The following EXOC4 variants were observed in gnomAD, a reference collection of about 807,000 sequenced individuals.
EXOC4 encodes exocyst complex component 4.
A neutral mutation model predicts 107.2 loss-of-function variants in EXOC4; 71 were observed. The ratio of observed to expected loss-of-function variants is 0.66; its 90% CI spans 0.55 to 0.81. EXOC4 has a LOEUF of 0.81. Among genes scored for constraint, EXOC4 ranks in the 30% least tolerant of loss-of-function variants. The pLI is 0.00. For synonymous variants in EXOC4, 456 were observed against 441.2 expected (o/e 1.03, Z -0.42); for missense variants, 1,108 against 1,189.6 (o/e 0.93, Z 1.01).
chr7:134,019,688 T>C (rs1250899299), intron 17 of EXOC4, among the ~76,000 whole-genome samples: 2 of 152,230 alleles, frequency 1.3e-5, no homozygotes, highest in Non-Finnish European at 1.5e-5. Flanking sequence ...CCAAAGTCTA[T>C]GTATGCTCTT....
chr7:134,076,017 TC>T, the EXOC4 span, among the ~76,000 whole-genome samples: 3 of 152,270 alleles, frequency 2.0e-5, no homozygotes, highest in South Asian at 6.2e-4. Flanking sequence ...ACCCTCCCTA[TC>T]CTGACTGATA....
chr7:133,661,687 AAC>A (rs200467342), intron 10 of EXOC4, among the ~76,000 whole-genome samples: 7,714 of 27,494 alleles, frequency 0.28, 994 homozygotes, highest in African/African-American at 0.41. Flanking sequence ...AAAAAAAAAA[AAC>A]AAAAAAAAAA....
At chr7:133,717,022 G>A (rs1210375914) in intron 10 of EXOC4, among the ~76,000 whole-genome samples, 1 of 152,052 alleles carries the variant, frequency 6.6e-6, no homozygotes, top group Non-Finnish European at 1.5e-5. Flanking sequence ...TGTTCTTTGA[G>A]CTCAACTATA....
At chr7:134,086,338 G>A in the EXOC4 span, among the ~76,000 whole-genome samples, 2 of 152,178 alleles carry the variant, frequency 1.3e-5, no homozygotes, top group African/African-American at 2.4e-5. Context: ...AAATTCCACA[G>A]TTGACCTCAT....
rs545676470 is a variant in EXOC4 at position 133,870,579 on chromosome 7, T to G, written c.1735-25020T>G. Among the ~76,000 whole-genome samples the G allele has an allele frequency of 7.2e-5, 11 of 152,316 alleles. No individual in the cohort carries two copies. In the South Asian group the frequency reaches 2.3e-3, roughly 32 times the overall value. Reference sequence around the variant, plus strand: ...ATTATTGTGGCTCATCTAAAGAGGGTCATTTTATGAAATGTCTGTACTCCT... The same window carrying G: ...ATTATTGTGGCTCATCTAAAGAGGGGCATTTTATGAAATGTCTGTACTCCT... On this transcript the variant is annotated intron_variant, in intron 11 of 17. Coordinates refer to ENST00000253861, the MANE Select transcript of EXOC4 (RefSeq NM_021807.4).
At chr7:133,912,153 T>C (rs573626590) in intron 12 of EXOC4, among the ~76,000 whole-genome samples, 100 of 152,316 alleles carry the variant, frequency 6.6e-4, no homozygotes, top group Non-Finnish European at 1.1e-3. Context: ...GCCCACCCCA[T>C]TGTATTAGAC....
chr7:133,293,554 A>G (rs539216958), intron 3 of EXOC4, among the ~76,000 whole-genome samples: 2 of 152,366 alleles, frequency 1.3e-5, no homozygotes, highest in East Asian at 1.9e-4. Flanking sequence ...AGAATAGATT[A>G]ATAAATCCAG....
chr7:134,046,315 C>T (rs1795649055), intron 17 of EXOC4, among the ~76,000 whole-genome samples: 1 of 152,088 alleles, frequency 6.6e-6, no homozygotes, highest in African/African-American at 2.4e-5. Flanking sequence ...AACCCCGTCT[C>T]TAATAAAAAT....
intron 9 of EXOC4, among the ~76,000 whole-genome samples, chr7:133,529,605 G>C (rs533497970): frequency 6.6e-6 from 1 of 152,108 alleles, no homozygotes; most frequent in Non-Finnish European, 1.5e-5. Flanking sequence ...TGTGAAGCAG[G>C]TATTCATATC....
At chr7:133,356,685 C>CTA in intron 6 of EXOC4, 112 bp downstream of exon 6, 1 of 1,296,962 alleles carries the variant, frequency 7.7e-7, no homozygotes, top group Non-Finnish European at 1.1e-6. Context: ...ACTTAGGATA[C>CTA]TATAGCCCAT....
At chr7:133,294,113 C>T (rs1443108825) in intron 3 of EXOC4, among the ~76,000 whole-genome samples, 1 of 152,108 alleles carries the variant, frequency 6.6e-6, no homozygotes, top group Non-Finnish European at 1.5e-5. Context: ...TGCCTTGTTA[C>T]AGGTTTCATT....
chr7:133,954,734 T>C (rs968384059), intron 14 of EXOC4, among the ~76,000 whole-genome samples: 15 of 152,202 alleles, frequency 9.9e-5, no homozygotes, highest in Admixed American at 6.5e-4. Flanking sequence ...TGGCTTGTGC[T>C]ACCGGCCTGG....
intron 10 of EXOC4, among the ~76,000 whole-genome samples, chr7:133,755,252 A>G (rs1357060190): frequency 1.2e-3 from 118 of 99,860 alleles, no homozygotes; most frequent in Non-Finnish European, 1.6e-3. Context: ...TAATATATAT[A>G]TTATATATAT....
intron 14 of EXOC4, among the ~76,000 whole-genome samples, chr7:133,938,463 C>A (rs76541694): frequency 0.033 from 5,078 of 152,218 alleles, 267 homozygotes; most frequent in African/African-American, 0.11. Flanking sequence ...CTGACATTCT[C>A]ATTTTACTTG....
At chr7:133,304,063 A>C (rs2150565691) in intron 3 of EXOC4, among the ~76,000 whole-genome samples, 1 of 152,332 alleles carries the variant, frequency 6.6e-6, no homozygotes, top group Non-Finnish European at 1.5e-5. Flanking sequence ...CTTCATGTAC[A>C]TTCCTACAAA....
chr7:133,884,658 A>G (rs2116465317), intron 11 of EXOC4, among the ~76,000 whole-genome samples: 1 of 151,100 alleles, frequency 6.6e-6, no homozygotes, highest in East Asian at 2.0e-4. Context: ...GTGTGTCTGA[A>G]GTCATAGACA....
intron 7 of EXOC4, among the ~76,000 whole-genome samples, chr7:133,465,150 T>A (rs1454300323): frequency 6.6e-6 from 1 of 152,096 alleles, no homozygotes; most frequent in Non-Finnish European, 1.5e-5. Flanking sequence ...AAGATAATTC[T>A]AGAGTTTGGT....
intron 13 of EXOC4, among the ~76,000 whole-genome samples, chr7:133,931,792 A>G (rs1800182316): frequency 6.6e-6 from 1 of 152,136 alleles, no homozygotes; most frequent in Non-Finnish European, 1.5e-5. Context: ...CAGCCTCCAT[A>G]AGGGTGATGT....
chr7:133,782,020 C>A (rs1796479123), intron 10 of EXOC4, among the ~76,000 whole-genome samples: 1 of 152,136 alleles, frequency 6.6e-6, no homozygotes, highest in African/African-American at 2.4e-5. Context: ...CTATGTGAAT[C>A]GTTTTGTGAG....
Sources: allele counts gnomAD v4.1 joint callset (sites outside exome capture counted in the v4.1 genomes callset), GRCh38; gene constraint gnomAD v4.1.1; transcripts MANE v1.5; gene names NCBI Gene and HGNC (gene_info 2026-07-23, HGNC 2026-07-21).